The following FRMD3 variants were observed in gnomAD, a reference collection of about 807,000 sequenced individuals.
FRMD3 encodes the protein FERM domain containing 3, also known as FERM domain-containing protein 3.
FRMD3 carries 33 observed loss-of-function variants against 70.2 expected under a neutral mutation model. The observed-to-expected ratio is 0.47, with a 90% CI of 0.36 to 0.63. The LOEUF is 0.63. Among genes scored for constraint, FRMD3 ranks in the 20% least tolerant of loss-of-function variants. The pLI is 0.00. For missense variants in FRMD3, 632 were observed against 711.4 expected, an observed-to-expected ratio of 0.89 and a Z score of 1.27; for synonymous variants, 279 against 255.9, an observed-to-expected ratio of 1.09 and a Z score of -0.86.
chr9:83,352,260 A>C (rs1406472051), intron 3 of FRMD3, among the ~76,000 whole-genome samples: 1 of 152,206 alleles, frequency 6.6e-6, no homozygotes. Flanking sequence ...GGTATGGGAA[A>C]ATGTTTTAAA....
chr9:83,258,969 A>G (rs567639313), intron 13 of FRMD3, among the ~76,000 whole-genome samples: 27 of 152,100 alleles, frequency 1.8e-4, no homozygotes, highest in Non-Finnish European at 2.8e-4. Flanking sequence ...TAAAACAACT[A>G]TGGAATACCC....
At chr9:83,511,450 G>A (rs538392938) in intron 1 of FRMD3, among the ~76,000 whole-genome samples, 3 of 152,228 alleles carry the variant, frequency 2.0e-5, no homozygotes, top group East Asian at 1.9e-4. Context: ...TGGATCAAAC[G>A]AAGTGCTCTC....
At chr9:83,329,856 T>C (rs558253184) in intron 6 of FRMD3, among the ~76,000 whole-genome samples, 5 of 152,188 alleles carry the variant, frequency 3.3e-5, no homozygotes, top group Non-Finnish European at 7.3e-5. Flanking sequence ...ACAAACCTGA[T>C]GAACTGGTGA....
chr9:83,461,034 A>G (rs1397725306), intron 1 of FRMD3, among the ~76,000 whole-genome samples: 1 of 152,074 alleles, frequency 6.6e-6, no homozygotes, highest in East Asian at 1.9e-4. Flanking sequence ...GTGCACCAAT[A>G]GGGTCAGAGG....
chr9:83,507,600 G>A (rs1400905785), intron 1 of FRMD3, among the ~76,000 whole-genome samples: 1 of 146,086 alleles, frequency 6.8e-6, no homozygotes, highest in East Asian at 2.0e-4. Context: ...AACCTGGGAG[G>A]CAGAGCTTGC....
chr9:83,411,473 A>G (rs1294865482), intron 1 of FRMD3, among the ~76,000 whole-genome samples: 1 of 152,238 alleles, frequency 6.6e-6, no homozygotes, highest in African/African-American at 2.4e-5. Context: ...CACCCTAACA[A>G]TGGTTTGAAG....
At chr9:83,283,835 C>T (rs1834077516) in intron 13 of FRMD3, among the ~76,000 whole-genome samples, 1 of 152,016 alleles carries the variant, frequency 6.6e-6, no homozygotes, top group South Asian at 2.1e-4. Context: ...GGACATTTAA[C>T]CCATTTGTCT....
At chr9:83,461,149 C>A (rs1046708536) in intron 1 of FRMD3, among the ~76,000 whole-genome samples, 17 of 152,260 alleles carry the variant, frequency 1.1e-4, no homozygotes, top group Middle Eastern at 3.4e-3. Context: ...AACCCAATTA[C>A]CATGGATCAT....
intron 13 of FRMD3, among the ~76,000 whole-genome samples, chr9:83,271,274 G>A (rs1833540938): frequency 6.6e-6 from 1 of 152,136 alleles, no homozygotes; most frequent in Admixed American, 6.6e-5. Context: ...CTAGCTCCAA[G>A]TGGAAAGATA....
upstream of FRMD3, among the ~76,000 whole-genome samples, chr9:83,543,473 C>A (rs969235371): frequency 6.6e-6 from 1 of 152,102 alleles, no homozygotes; most frequent in African/African-American, 2.4e-5. Flanking sequence ...CTGTCAGCAA[C>A]CCCCAAATTT....
At chr9:83,491,560 T>G (rs527243311) in intron 1 of FRMD3, among the ~76,000 whole-genome samples, 1 of 152,258 alleles carries the variant, frequency 6.6e-6, no homozygotes, top group Non-Finnish European at 1.5e-5. Flanking sequence ...ATAGGGCACT[T>G]CAAGTCTGTG....
At chr9:83,525,637 C>T (rs1829669576) in intron 1 of FRMD3, among the ~76,000 whole-genome samples, 1 of 152,144 alleles carries the variant, frequency 6.6e-6, no homozygotes, top group African/African-American at 2.4e-5. Flanking sequence ...GAAAGAAAAT[C>T]GTATGCTTTG....
intron 6 of FRMD3, among the ~76,000 whole-genome samples, chr9:83,332,597 G>C (rs565684577): frequency 6.6e-6 from 1 of 152,284 alleles, no homozygotes; most frequent in South Asian, 2.1e-4. Flanking sequence ...AAAAGGCTGG[G>C]AGAAGGTTGT....
chr9:83,318,475 T>C (rs961563590), intron 6 of FRMD3, among the ~76,000 whole-genome samples: 1 of 148,376 alleles, frequency 6.7e-6, no homozygotes, highest in Non-Finnish European at 1.5e-5. Flanking sequence ...ATATATTATA[T>C]ATAATATGTG....
chr9:83,276,802 C>T (rs900643764), intron 13 of FRMD3, among the ~76,000 whole-genome samples: 1 of 152,196 alleles, frequency 6.6e-6, no homozygotes, highest in African/African-American at 2.4e-5. Flanking sequence ...CTCCACCTCC[C>T]AGGTTCAAGC....
At chr9:83,264,282 AG>A (rs1188547062) in intron 13 of FRMD3, among the ~76,000 whole-genome samples, 2 of 152,250 alleles carry the variant, frequency 1.3e-5, no homozygotes, top group African/African-American at 4.8e-5. Context: ...TATCATAAAA[AG>A]ACCAGTGGTT....
At chr9:83,412,137 T>A (rs974959268) in intron 1 of FRMD3, among the ~76,000 whole-genome samples, 1 of 146,664 alleles carries the variant, frequency 6.8e-6, no homozygotes, top group Non-Finnish European at 1.5e-5. Context: ...TTCACTTAAA[T>A]ATCAACAACA....
chr9:83,386,488 A>G (rs542314454), intron 2 of FRMD3, among the ~76,000 whole-genome samples: 60 of 152,274 alleles, frequency 3.9e-4, no homozygotes, highest in Non-Finnish European at 7.5e-4. Context: ...ACAATAAACA[A>G]CCTAAAGACT....
chr9:83,266,231 A>T (rs570009640), intron 13 of FRMD3, among the ~76,000 whole-genome samples: 1 of 152,118 alleles, frequency 6.6e-6, no homozygotes, highest in South Asian at 2.1e-4. Flanking sequence ...TCTTTTAAAA[A>T]CTCTTTTATA....
Sources: allele counts gnomAD v4.1 joint callset (sites outside exome capture counted in the v4.1 genomes callset), GRCh38; gene constraint gnomAD v4.1.1; transcripts MANE v1.5; gene names NCBI Gene and HGNC (gene_info 2026-07-23, HGNC 2026-07-21).